SERPINB3: variants seen among roughly 807,000 people sequenced by gnomAD.
The protein encoded by SERPINB3 is serpin family B member 3, also known as serpin B3.
SERPINB3 carries 33 observed loss-of-function variants against 33.0 expected under a neutral mutation model. The observed-to-expected ratio is 1.00, with a 90% CI of 0.76 to 1.34. The LOEUF (loss-of-function observed/expected upper bound fraction) is 1.34. Among genes scored for constraint, SERPINB3 ranks in the 40% most tolerant of loss-of-function variants. The pLI, the probability that SERPINB3 is intolerant of heterozygous loss-of-function variation, is 0.00. For missense variants in SERPINB3, 518 were observed against 461.5 expected (o/e 1.12, Z -1.12); for synonymous variants, 200 against 170.9 (o/e 1.17, Z -1.33).
intron 3 of SERPINB3, 142 bp from the exon 4 acceptor site, chr18:63,659,669 T>A: frequency 8.8e-7 from 1 of 1,138,176 alleles, no homozygotes. Flanking sequence ...TTGGTGTATT[T>A]CACCTCAAAT....
At chr18:63,659,222 G>A in intron 4 of SERPINB3, 177 bp downstream of exon 4, 1 of 671,208 alleles carries the variant, frequency 1.5e-6, no homozygotes, top group Non-Finnish European at 2.6e-6. Flanking sequence ...GTGATGTATT[G>A]TTAGGGTCTG....
intron 5 of SERPINB3, among the ~76,000 whole-genome samples, chr18:63,658,304 T>G (rs2144494327): frequency 6.6e-6 from 1 of 152,244 alleles, no homozygotes; most frequent in South Asian, 2.1e-4. Flanking sequence ...GGCTATGTTT[T>G]CTTCTAATTG....
intron 1 of SERPINB3, among the ~76,000 whole-genome samples, chr18:63,661,587 C>A (rs545976656): frequency 1.3e-5 from 2 of 151,838 alleles, no homozygotes; most frequent in Non-Finnish European, 2.9e-5. Context: ...TGTTAAGATG[C>A]GTCCCTGACA....
intron 3 of SERPINB3, among the ~76,000 whole-genome samples, chr18:63,660,033 AGT>A (rs1450986192): frequency 1.3e-5 from 2 of 152,146 alleles, no homozygotes; most frequent in African/African-American, 4.8e-5. Flanking sequence ...ACGTAAGAAG[AGT>A]GTGTGCCAGG....
chr18:63,656,410 T>G (rs1015170269), intron 7 of SERPINB3, among the ~76,000 whole-genome samples: 1 of 152,172 alleles, frequency 6.6e-6, no homozygotes, highest in African/African-American at 2.4e-5. Context: ...CTACTACATG[T>G]GTCAATTTTT....
chr18:63,658,660 G>C (rs760400133), intron 4 of SERPINB3, 30 bp from the exon 5 acceptor site: 2 of 1,540,816 alleles, frequency 1.3e-6, no homozygotes, highest in South Asian at 2.2e-5. Flanking sequence ...AAAGTAGGAA[G>C]TAAGAGTAAT....
rs1385143327 is a variant in SERPINB3, at chr18:63,656,878, G to C, written c.721C>G (p.Leu241Val). 5.8e-5 allele frequency: 93 copies of C among 1,613,492 alleles called. No individual in the cohort carries two copies. Among genetic ancestry groups the C allele is most frequent in the Non-Finnish European group, 7.7e-5 (91 of 1,179,588 alleles). The change falls in exon 7 of 8, where the codon CTA becomes GTA. Residue 241 changes from leucine (L) to valine (V), a missense_variant. Coordinates refer to ENST00000283752, the MANE Select transcript of SERPINB3 (RefSeq NM_006919.3). ...VLEIPYKGKD[L>V]SMIVLLPNEI... Reference sequence around the variant, plus strand: ...TTTGGCAGCAACACAATCATGCTTAGATCTTTGCCTTTGTATGGTATTTCC... The same window carrying C: ...TTTGGCAGCAACACAATCATGCTTACATCTTTGCCTTTGTATGGTATTTCC...
At position 63,656,977 on chromosome 18, in the gene SERPINB3, T is replaced by C. The variant is rs1202517981; in HGVS notation, c.622A>G (p.Lys208Glu). Reference sequence around the variant, plus strand: ...TATTGCCTCATCATCTGTATGGACTTGTATGTATTCTACAATAAATCAATG... The same window carrying C: ...TATTGCCTCATCATCTGTATGGACTCGTATGTATTCTACAATAAATCAATG... Reference protein sequence around the residue: ...EKFWPNKNTYKSIQMMRQYTS... With the variant: ...EKFWPNKNTYESIQMMRQYTS... Residue 208 changes from lysine to glutamate, a missense_variant, in exon 7 of 8, where the codon AAG (lysine) becomes GAG (glutamate). Transcript: ENST00000283752. 6.2e-7 allele frequency: 1 copy of C among 1,605,600 alleles called. No homozygotes were observed. The highest frequency in any genetic ancestry group is 8.5e-7 in the Non-Finnish European group (1 of 1,174,636).
intron 5 of SERPINB3, 130 bp from the exon 6 acceptor site, chr18:63,657,542 A>G (rs575940624): frequency 1.7e-5 from 13 of 745,684 alleles, no homozygotes; most frequent in Non-Finnish European, 1.0e-5. Flanking sequence ...ACTGACTTTG[A>G]TCTTTGAATT....
chr18:63,660,646 T>A, intron 3 of SERPINB3, 154 bp downstream of exon 3: 1 of 800,478 alleles, frequency 1.2e-6, no homozygotes, highest in Non-Finnish European at 2.1e-6. Context: ...ATAATAATTA[T>A]GTGCCATGAA....
intron 5 of SERPINB3, among the ~76,000 whole-genome samples, chr18:63,657,991 G>A (rs1281606123): frequency 6.6e-6 from 1 of 151,692 alleles, no homozygotes; most frequent in Non-Finnish European, 1.5e-5. Context: ...ATAGAATGGA[G>A]AATTTGTTAA....
intron 3 of SERPINB3, among the ~76,000 whole-genome samples, chr18:63,660,343 A>T (rs940451595): frequency 6.6e-6 from 1 of 152,148 alleles, no homozygotes; most frequent in African/African-American, 2.4e-5. Context: ...ATTTTGCAAC[A>T]TTATTGTGAT....
Position 63,661,048 on chromosome 18 carries a change from C to G in SERPINB3, c.165+4G>C, listed in dbSNP as rs200936767. ...CAGGACAACATAATGATGCTGATAGCTACCTTCTTAATCTGTTGTGCAGTG... is the reference window on the plus strand; with the variant it reads ...CAGGACAACATAATGATGCTGATAGGTACCTTCTTAATCTGTTGTGCAGTG... On this transcript the variant is annotated splice_donor_region_variant and intron_variant, in intron 2 of 7. Coordinates refer to ENST00000283752, the MANE Select transcript of SERPINB3 (RefSeq NM_006919.3). 3 of 1,613,352 alleles carry G rather than the reference C, an allele frequency of 1.9e-6. No homozygotes were observed. Among genetic ancestry groups the G allele is most frequent in the Non-Finnish European group, 2.5e-6 (3 of 1,179,616 alleles).
At position 63,656,020 on chromosome 18, in the gene SERPINB3, T is replaced by C. The variant is rs1351424215; in HGVS notation, c.810A>G (p.Thr270=). The change falls in exon 8 of 8, where the codon ACA becomes ACG. Residue 270 remains threonine (T), a synonymous_variant. Transcript: ENST00000283752. ...KLTAEKLMEW[T]SLQNMRETRV... The stretch of plus-strand genomic sequence containing the variant: ...GTGTCTCTCTCATATTCTGCAAACT[T>C]GTCCATTCCATCAATTTCTCAGCAG... 6.2e-7 allele frequency: 1 copy of C among 1,613,856 alleles called. No homozygotes were observed. Among genetic ancestry groups the C allele is most frequent in the South Asian group, 1.1e-5 (1 of 91,066 alleles).
At chr18:63,659,594 T>C (rs1913589094) in intron 3 of SERPINB3, 67 bp from the exon 4 acceptor site, 2 of 1,604,866 alleles carry the variant, frequency 1.2e-6, no homozygotes, top group East Asian at 4.5e-5. Context: ...CCATGCTAAG[T>C]CTGTTAGATC....
intron 7 of SERPINB3, 77 bp downstream of exon 7, chr18:63,656,754 T>G: frequency 2.7e-6 from 4 of 1,488,628 alleles, no homozygotes; most frequent in Non-Finnish European, 3.6e-6. Context: ...GGTCACCAGC[T>G]TTTACCTTGT....
rs1225168483 is a variant in SERPINB3 at position 63,656,887 on chromosome 18, C to A, written c.712G>T (p.Gly238Cys). The A allele has an allele frequency of 6.2e-7, 1 of 1,613,472 alleles. No individual in the cohort carries two copies. The highest frequency in any genetic ancestry group is 8.5e-7 in the Non-Finnish European group (1 of 1,179,574). ...AACACAATCATGCTTAGATCTTTGC[C>A]TTTGTATGGTATTTCCAGGACCTTG... is the stretch of plus-strand genomic sequence containing the variant. ...QAKVLEIPYKGKDLSMIVLLP... is the reference protein window; with the variant it reads ...QAKVLEIPYKCKDLSMIVLLP... Residue 238 changes from glycine (G) to cysteine (C), a missense_variant, in exon 7 of 8, where the codon GGC becomes TGC. Gly to Cys is a radical substitution (Grantham distance 159). Transcript: ENST00000283752.
In SERPINB3 at chr18:63,656,067, CA is replaced by C; in HGVS notation, c.769-7del. 2 of 1,607,758 alleles carry C rather than the reference CA, an allele frequency of 1.2e-6. No homozygotes were observed. Among genetic ancestry groups the C allele is most frequent in the Non-Finnish European group, 1.7e-6 (2 of 1,176,884 alleles). On this transcript the variant is annotated splice_region_variant and splice_polypyrimidine_tract_variant and intron_variant, in intron 7 of 7. Coordinates refer to ENST00000283752, the MANE Select transcript of SERPINB3 (RefSeq NM_006919.3). The stretch of plus-strand genomic sequence containing the variant: ...GCAGTGAGTTTCTCTTCAAGCTATA[CA>C]AATGGAAAAAAGAAACTGATATGAC...
At position 63,657,302 on chromosome 18, in the gene SERPINB3, C is replaced by T. The variant is rs1913523517; in HGVS notation, c.580G>A (p.Asp194Asn). 6.2e-7 allele frequency: 1 copy of T among 1,603,100 alleles called. No homozygotes were observed. The highest frequency in any genetic ancestry group is 8.5e-7 in the Non-Finnish European group (1 of 1,172,366). ...GGCCAAAATTTTTCCTCTTTAGTAT[C>T]TTCTTTATTAAATTTCTTCTCCCAC... Reference protein sequence around the residue: ...GQWEKKFNKEDTKEEKFWPNK... With the variant: ...GQWEKKFNKENTKEEKFWPNK... Residue 194 changes from aspartate (D) to asparagine (N), a missense_variant, in exon 6 of 8, where the codon GAT becomes AAT. Coordinates refer to ENST00000283752, the MANE Select transcript of SERPINB3 (RefSeq NM_006919.3).
Sources: allele counts gnomAD v4.1 joint callset (sites outside exome capture counted in the v4.1 genomes callset), GRCh38; gene constraint gnomAD v4.1.1; transcripts MANE v1.5; gene names NCBI Gene and HGNC (gene_info 2026-07-23, HGNC 2026-07-21).